CPNE5: variants seen among roughly 807,000 people sequenced by gnomAD.
The protein encoded by CPNE5 is copine 5, also known as copine-5.
Under a neutral mutation model 81.1 loss-of-function variants are expected in CPNE5, and 42 were observed. The ratio of observed to expected loss-of-function variants is 0.52; its 90% confidence interval spans 0.40 to 0.67. CPNE5 has a LOEUF of 0.67. Among genes scored for constraint, CPNE5 ranks in the 30% least tolerant of loss-of-function variants. The pLI, the probability that CPNE5 is intolerant of heterozygous loss-of-function variation, is 0.00. For missense variants in CPNE5, 612 were observed against 815.5 expected, an observed-to-expected ratio of 0.75 and a Z score of 3.04; for synonymous variants, 313 against 321.5, an observed-to-expected ratio of 0.97 and a Z score of 0.28.
At chr6:36,800,927 G>T (rs1770047361) in intron 3 of CPNE5, among the ~76,000 whole-genome samples, 1 of 152,136 alleles carries the variant, frequency 6.6e-6, no homozygotes, top group Non-Finnish European at 1.5e-5. Flanking sequence ...ACAACCACTG[G>T]GTGAGCTTGC....
intron 1 of CPNE5, among the ~76,000 whole-genome samples, chr6:36,830,180 G>A (rs16889173): frequency 0.11 from 16,691 of 152,168 alleles, 1,102 homozygotes; most frequent in East Asian, 0.23. Flanking sequence ...TCTGAACTCT[G>A]AAGCTCAAGC....
At chr6:36,810,143 G>A (rs1052127109) in intron 3 of CPNE5, among the ~76,000 whole-genome samples, 1 of 152,000 alleles carries the variant, frequency 6.6e-6, no homozygotes, top group Admixed American at 6.6e-5. Context: ...GCATGCGTGG[G>A]TGGCTCTCTG....
chr6:36,789,684 A>C (rs989155532), intron 8 of CPNE5, among the ~76,000 whole-genome samples: 1 of 152,166 alleles, frequency 6.6e-6, no homozygotes, highest in African/African-American at 2.4e-5. Flanking sequence ...CCCTTGTCTG[A>C]ACTCCAGTGG....
intron 3 of CPNE5, among the ~76,000 whole-genome samples, chr6:36,809,322 C>A (rs1243076161): frequency 1.3e-5 from 2 of 152,010 alleles, no homozygotes; most frequent in African/African-American, 4.8e-5. Context: ...AAAATGTTAA[C>A]AAGTTGGGCA....
At chr6:36,761,256 A>T (rs1164774101) in intron 12 of CPNE5, among the ~76,000 whole-genome samples, 1 of 152,256 alleles carries the variant, frequency 6.6e-6, no homozygotes, top group Non-Finnish European at 1.5e-5. Flanking sequence ...CTCTTTGCAG[A>T]TGCAGAAAAC....
At chr6:36,760,936 C>T (rs1765964367) in intron 12 of CPNE5, among the ~76,000 whole-genome samples, 1 of 152,254 alleles carries the variant, frequency 6.6e-6, no homozygotes, top group South Asian at 2.1e-4. Context: ...AGCTGTGCTC[C>T]TTTTTCAGCT....
intron 3 of CPNE5, among the ~76,000 whole-genome samples, chr6:36,809,342 G>A (rs978608464): frequency 2.0e-5 from 3 of 152,120 alleles, no homozygotes; most frequent in Non-Finnish European, 4.4e-5. Flanking sequence ...AGCACTTTGG[G>A]AGGCAGGAGG....
chr6:36,779,965 C>T (rs929147410), intron 8 of CPNE5, among the ~76,000 whole-genome samples: 82 of 130,232 alleles, frequency 6.3e-4, no homozygotes, highest in African/African-American at 2.2e-3. Flanking sequence ...ATCCCCCCTT[C>T]CTATTTTTTT....
At chr6:36,771,009 C>T (rs66516872) in intron 10 of CPNE5, among the ~76,000 whole-genome samples, 19,029 of 152,010 alleles carry the variant, frequency 0.13, 1,215 homozygotes, top group East Asian at 0.17. Flanking sequence ...ATCCCTTCCC[C>T]TCTTTCACTC....
At chr6:36,792,358 A>G in intron 7 of CPNE5, 1 of 1,508,874 alleles carries the variant, frequency 6.6e-7, no homozygotes, top group Non-Finnish European at 8.9e-7. Flanking sequence ...TAGTGCCTGC[A>G]GTGAAAGTCC....
intron 4 of CPNE5, 113 bp from the exon 5 acceptor site, chr6:36,798,607 A>G (rs1261176265): frequency 5.8e-6 from 5 of 855,462 alleles, no homozygotes; most frequent in Non-Finnish European, 9.7e-6. Context: ...GTCCCAACAC[A>G]GTGAATATTT....
rs189786729 is a variant in CPNE5 at position 36,823,313 on chromosome 6, C to T, written c.96-215G>A. On this transcript the variant is annotated intron_variant, in intron 1 of 20. Coordinates refer to ENST00000244751, the MANE Select transcript of CPNE5 (RefSeq NM_020939.2). ...TGCCTAAGGTGTGCAGAACTCCCTA[C>T]CTCCCACCCCTATCATCACCACAAG... Among the ~76,000 whole-genome samples the T allele has an allele frequency of 3.5e-4, 53 of 152,312 alleles. 1 individual carries two copies. In the East Asian group the frequency reaches 9.9e-3, roughly 28 times the overall value.
At chr6:36,757,973 A>C (rs1180510251) in intron 12 of CPNE5, among the ~76,000 whole-genome samples, 1 of 152,196 alleles carries the variant, frequency 6.6e-6, no homozygotes, top group East Asian at 1.9e-4. Flanking sequence ...AGCGGCCTGC[A>C]GGGAACTCTG....
chr6:36,839,702 G>A (rs965148301), upstream of CPNE5: 2 of 314,872 alleles, frequency 6.4e-6, no homozygotes, highest in Non-Finnish European at 1.2e-5. This position sits in a 1 kb window ranked among gnomAD's most constrained non-coding sequence, Gnocchi z 7.3. Context: ...AGAGGGCACC[G>A]GGAGGGAAAC....
Position 36,805,818 on chromosome 6 carries a change from A to T in CPNE5, c.184-5748T>A, listed in dbSNP as rs149588495. Reference sequence around the variant, plus strand: ...AAAGATGGTCCCAAGGGCTCCTAAAACCTCTATGACTAAGCTGCATGAATA... The same window carrying T: ...AAAGATGGTCCCAAGGGCTCCTAAATCCTCTATGACTAAGCTGCATGAATA... On this transcript the variant is annotated intron_variant, in intron 3 of 20. Coordinates refer to ENST00000244751, the MANE Select transcript of CPNE5 (RefSeq NM_020939.2). Among the ~76,000 whole-genome samples, 38 of 152,228 alleles carry T rather than the reference A, an allele frequency of 2.5e-4. 1 individual carries two copies. In the East Asian group the frequency reaches 6.2e-3, roughly 25 times the overall value.
intron 7 of CPNE5, among the ~76,000 whole-genome samples, chr6:36,793,900 C>T (rs754817405): frequency 6.6e-6 from 1 of 152,174 alleles, no homozygotes; most frequent in Non-Finnish European, 1.5e-5. Flanking sequence ...CTGCACACCC[C>T]CACCTCCAGC....
chr6:36,753,155 G>T, intron 13 of CPNE5, 60 bp from the exon 14 acceptor site: 1 of 1,391,840 alleles, frequency 7.2e-7, no homozygotes, highest in Non-Finnish European at 1.0e-6. Flanking sequence ...GATGGGTTAT[G>T]ATTCGAGAGC....
Position 36,742,121 on chromosome 6 carries a change from G to T in CPNE5, c.*147C>A. The T allele has an allele frequency of 5.0e-6, 3 of 604,922 alleles. No homozygotes were observed. Among genetic ancestry groups the T allele is most frequent in the Admixed American group, 3.1e-5 (1 of 31,752 alleles). The allele number at this position is 604,922 out of a possible 1,614,324, so 37.5% of individuals were successfully genotyped here. ...AGTGAGGCCAAGAAATTGAGGAGGG[G>T]TCTTCAGAAGCCCCACCCCCTGGCA... On this transcript the variant is annotated 3_prime_UTR_variant, in exon 21 of 21. Transcript: ENST00000244751.
intron 20 of CPNE5, chr6:36,742,925 C>A (rs2150350084): frequency 1.0e-6 from 1 of 985,414 alleles, no homozygotes; most frequent in Non-Finnish European, 1.2e-6. Flanking sequence ...CTGGCCAATG[C>A]CTAATGCCAG....
Sources: allele counts gnomAD v4.1 joint callset (sites outside exome capture counted in the v4.1 genomes callset), GRCh38; gene constraint gnomAD v4.1.1; non-coding constraint Gnocchi (gnomAD v3.1); transcripts MANE v1.5; gene names NCBI Gene and HGNC (gene_info 2026-07-23, HGNC 2026-07-21).